Variants in THSD4 observed in about 807,000 individuals in gnomAD.
The protein encoded by THSD4 is thrombospondin type 1 domain containing 4, also known as thrombospondin type-1 domain-containing protein 4.
In THSD4, 69 loss-of-function variants were observed where a neutral mutation model predicts 119.0. That is an observed-to-expected ratio of 0.58 (90% CI 0.48 to 0.71). The LOEUF (loss-of-function observed/expected upper bound fraction) is 0.71. Ranked by LOEUF, THSD4 falls within the 30% of genes least tolerant of loss-of-function variation. The probability of loss-of-function intolerance (pLI) is 0.00; values close to 1 mark genes in which losing one functional copy is unlikely to be tolerated. For synonymous variants in THSD4, 524 were observed against 540.4 expected (o/e 0.97, Z 0.42); for missense variants, 1,393 against 1,391.1 (o/e 1.00, Z -0.02).
At chr15:71,390,382 A>G (rs1335032785) in intron 6 of THSD4, among the ~76,000 whole-genome samples, 1 of 152,242 alleles carries the variant, frequency 6.6e-6, no homozygotes, top group Non-Finnish European at 1.5e-5. Flanking sequence ...ACCAAGATGG[A>G]AAGAAATATT....
chr15:71,714,792 G>T (rs936984330), intron 8 of THSD4, among the ~76,000 whole-genome samples: 1 of 152,160 alleles, frequency 6.6e-6, no homozygotes, highest in Non-Finnish European at 1.5e-5. Context: ...CCAAGATCAT[G>T]CCATTGCACT....
At chr15:71,294,331 A>G (rs1284857154) in intron 6 of THSD4, among the ~76,000 whole-genome samples, 1 of 152,106 alleles carries the variant, frequency 6.6e-6, no homozygotes, top group Non-Finnish European at 1.5e-5. Flanking sequence ...AGGTCCCTCA[A>G]AGAAGTCAGA....
At chr15:71,422,888 C>T (rs1033101919) in intron 7 of THSD4, among the ~76,000 whole-genome samples, 2 of 152,166 alleles carry the variant, frequency 1.3e-5, no homozygotes, top group African/African-American at 4.8e-5. Context: ...GCTTAGCTGG[C>T]ACCCAAGCCA....
At chr15:71,739,892 T>C (rs1261269398) in intron 11 of THSD4, among the ~76,000 whole-genome samples, 2 of 151,692 alleles carry the variant, frequency 1.3e-5, no homozygotes, top group Non-Finnish European at 2.9e-5. Flanking sequence ...GAGTACAAAG[T>C]TTGGAACCTC....
At chr15:71,198,767 G>A (rs1233425566) in intron 3 of THSD4, among the ~76,000 whole-genome samples, 1 of 152,218 alleles carries the variant, frequency 6.6e-6, no homozygotes, top group South Asian at 2.1e-4. Flanking sequence ...AGCCATGCAT[G>A]TGGGGACACT....
chr15:71,126,337 C>T (rs542632194), intron 1 of THSD4, among the ~76,000 whole-genome samples: 10 of 152,138 alleles, frequency 6.6e-5, no homozygotes, highest in Non-Finnish European at 1.2e-4. Flanking sequence ...AGCTGGAACT[C>T]CCACCTCTAC....
chr15:71,389,876 C>T (rs141187157), intron 6 of THSD4, among the ~76,000 whole-genome samples: 3 of 127,270 alleles, frequency 2.4e-5, no homozygotes, highest in African/African-American at 5.9e-5. Flanking sequence ...GTGGCATGAT[C>T]TTGGCTCACT....
At chr15:71,561,982 G>C (rs1298301132) in intron 7 of THSD4, among the ~76,000 whole-genome samples, 1 of 151,878 alleles carries the variant, frequency 6.6e-6, no homozygotes, top group East Asian at 1.9e-4. Context: ...CCAAATTCCA[G>C]TGTCTTGAAT....
chr15:71,162,057 T>C (rs1019056973), intron 3 of THSD4, among the ~76,000 whole-genome samples: 8 of 152,088 alleles, frequency 5.3e-5, no homozygotes, highest in African/African-American at 1.9e-4. Flanking sequence ...GTTGCCTTAA[T>C]TTACATCTGC....
intron 6 of THSD4, among the ~76,000 whole-genome samples, chr15:71,366,663 T>C (rs1488734561): frequency 1.3e-5 from 2 of 152,162 alleles, no homozygotes; most frequent in Admixed American, 6.6e-5. Flanking sequence ...TTCAAATCAA[T>C]GCAGTCTGGC....
upstream of THSD4, among the ~76,000 whole-genome samples, chr15:71,112,635 GC>G (rs1567128521): frequency 6.6e-6 from 1 of 152,180 alleles, no homozygotes. Context: ...TGCCAGGCAG[GC>G]CCCCAGCCTA....
At chr15:71,676,639 C>T (rs1423132397) in intron 8 of THSD4, among the ~76,000 whole-genome samples, 1 of 152,152 alleles carries the variant, frequency 6.6e-6, no homozygotes, top group African/African-American at 2.4e-5. Flanking sequence ...CTTCTTTCCC[C>T]GTCCTCCAAG....
In THSD4 at chr15:71,574,683, G is replaced by C. The variant is rs550702101; in HGVS notation, c.1153-85847G>C. ...AGTCCGTTTGTCTGTCTGAGCCTCA[G>C]TTTGTAGTGCCCAGGTTAGAGGTGA... On this transcript the variant is annotated intron_variant, in intron 7 of 17. Transcript: ENST00000261862. Among the ~76,000 whole-genome samples the C allele has an allele frequency of 3.3e-5, 5 of 152,260 alleles. 1 individual carries two copies. The highest frequency in any genetic ancestry group is 1.9e-4 in the East Asian group (1 of 5,176).
intron 7 of THSD4, among the ~76,000 whole-genome samples, chr15:71,546,379 T>C (rs1345341621): frequency 1.3e-5 from 2 of 152,130 alleles, no homozygotes; most frequent in African/African-American, 4.8e-5. Flanking sequence ...TCTCTGCTAT[T>C]TCAGGATAAC....
chr15:71,644,180 G>A (rs2050923319), intron 7 of THSD4, among the ~76,000 whole-genome samples: 1 of 152,156 alleles, frequency 6.6e-6, no homozygotes, highest in African/African-American at 2.4e-5. Flanking sequence ...ACTGATTGTG[G>A]TTAAACCAGA....
chr15:71,594,983 AG>A (rs2049881586), intron 7 of THSD4, among the ~76,000 whole-genome samples: 2 of 152,184 alleles, frequency 1.3e-5, no homozygotes, highest in African/African-American at 4.8e-5. Context: ...CCAGCTATCT[AG>A]GGGGTCAGTC....
At chr15:71,208,425 G>T (rs2043862573) in intron 3 of THSD4, among the ~76,000 whole-genome samples, 2 of 152,134 alleles carry the variant, frequency 1.3e-5, no homozygotes, top group Non-Finnish European at 2.9e-5. Context: ...CACAGCCCAA[G>T]TTGAGTTAAA....
At chr15:71,481,866 G>A (rs2140668741) in intron 7 of THSD4, among the ~76,000 whole-genome samples, 1 of 152,278 alleles carries the variant, frequency 6.6e-6, no homozygotes, top group Non-Finnish European at 1.5e-5. Flanking sequence ...TTCCCTCTAA[G>A]TAAATATTGA....
intron 1 of THSD4, among the ~76,000 whole-genome samples, chr15:71,138,592 A>G (rs1159031507): frequency 6.6e-6 from 1 of 151,480 alleles, no homozygotes; most frequent in Non-Finnish European, 1.5e-5. Context: ...CTCCTGCCAC[A>G]TTGCTTCCTT....
Sources: allele counts gnomAD v4.1 joint callset (sites outside exome capture counted in the v4.1 genomes callset), GRCh38; gene constraint gnomAD v4.1.1; transcripts MANE v1.5; gene names NCBI Gene and HGNC (gene_info 2026-07-23, HGNC 2026-07-21).